Variants in ADAMTS6 observed in about 807,000 individuals in gnomAD.
The protein encoded by ADAMTS6 is A disintegrin and metalloproteinase with thrombospondin motifs 6.
A neutral mutation model predicts 144.3 loss-of-function variants in ADAMTS6; 23 were observed. The ratio of observed to expected loss-of-function variants is 0.16; its 90% CI spans 0.11 to 0.23. ADAMTS6 has a LOEUF of 0.23. ADAMTS6 is among the 10% of genes least tolerant of loss of function. The probability of loss-of-function intolerance (pLI) is 1.00; values close to 1 mark genes in which losing one functional copy is unlikely to be tolerated. For missense variants in ADAMTS6, 999 were observed against 1,379.6 expected, an observed-to-expected ratio of 0.72 and a Z score of 4.37; for synonymous variants, 444 against 457.5, an observed-to-expected ratio of 0.97 and a Z score of 0.38.
At chr5:65,343,084 G>C (rs1748002147) in intron 7 of ADAMTS6, among the ~76,000 whole-genome samples, 1 of 151,432 alleles carries the variant, frequency 6.6e-6, no homozygotes, top group African/African-American at 2.4e-5. Flanking sequence ...CCATGGTTAT[G>C]AATCAGAAGA....
At chr5:65,169,852 C>T (rs1753487564) in intron 24 of ADAMTS6, among the ~76,000 whole-genome samples, 1 of 132,804 alleles carries the variant, frequency 7.5e-6, no homozygotes, top group East Asian at 2.2e-4. Flanking sequence ...CACATGGACA[C>T]AGGAAGGGGA....
chr5:65,362,250 T>G (rs1749900054), intron 7 of ADAMTS6, among the ~76,000 whole-genome samples: 1 of 152,222 alleles, frequency 6.6e-6, no homozygotes, highest in African/African-American at 2.4e-5. Flanking sequence ...ATTCTAGTCC[T>G]GGTGATACCC....
chr5:65,404,810 T>A (rs1221048803), intron 7 of ADAMTS6, among the ~76,000 whole-genome samples: 1 of 152,158 alleles, frequency 6.6e-6, no homozygotes, highest in African/African-American at 2.4e-5. Flanking sequence ...GCACCTGTTG[T>A]TTCCTGACTT....
chr5:65,426,274 G>A (rs1380727209), intron 7 of ADAMTS6, among the ~76,000 whole-genome samples: 2 of 147,120 alleles, frequency 1.4e-5, no homozygotes, highest in Non-Finnish European at 3.0e-5. Context: ...GGCCAGGCTG[G>A]TCTCGAACTC....
At chr5:65,175,549 A>T (rs940799731) in intron 22 of ADAMTS6, among the ~76,000 whole-genome samples, 9 of 152,210 alleles carry the variant, frequency 5.9e-5, no homozygotes, top group Non-Finnish European at 1.3e-4. Flanking sequence ...AGCACTGAGG[A>T]CTTCCTATCA....
In ADAMTS6 at chr5:65,273,482, T is replaced by C. The variant is rs187237476; in HGVS notation, c.1513-35A>G. On this transcript the variant is annotated intron_variant, in intron 11 of 24. Transcript: ENST00000381055. ...AAGGCAAAAGCAAGTTGATCAGAAA[T>C]AGAGTCATGTCCAATTCTTCCATAA... The C allele has an allele frequency of 1.2e-4, 178 of 1,521,036 alleles. No homozygotes were observed. The African/African-American group carries it at 2.2e-3, about 19-fold the overall frequency. The allele number at this position is 1,521,036 out of a possible 1,614,324, so 94.2% of individuals were successfully genotyped here. A position where few individuals can be genotyped will look rare whatever the true frequency, so the allele number is the denominator to read the frequency against.
intron 7 of ADAMTS6, among the ~76,000 whole-genome samples, chr5:65,407,988 C>A (rs962006579): frequency 3.9e-5 from 6 of 152,058 alleles, no homozygotes; most frequent in African/African-American, 1.4e-4. Context: ...ACAAGGGCTT[C>A]TGAAAGAAGC....
At chr5:65,193,337 A>C (rs2112204305) in intron 21 of ADAMTS6, among the ~76,000 whole-genome samples, 1 of 152,166 alleles carries the variant, frequency 6.6e-6, no homozygotes, top group South Asian at 2.1e-4. Context: ...TCCTTAATAC[A>C]TTAAGAGTTC....
chr5:65,390,507 G>C (rs1752825771), intron 7 of ADAMTS6, among the ~76,000 whole-genome samples: 1 of 152,152 alleles, frequency 6.6e-6, no homozygotes, highest in Non-Finnish European at 1.5e-5. Flanking sequence ...GCAGAGGTCA[G>C]GCAACTATTT....
chr5:65,152,395 A>G (rs902509775), intron 24 of ADAMTS6, among the ~76,000 whole-genome samples: 6 of 152,230 alleles, frequency 3.9e-5, no homozygotes, highest in Admixed American at 3.9e-4. Context: ...ACACGTCTCC[A>G]GAGAATCTCT....
intron 7 of ADAMTS6, among the ~76,000 whole-genome samples, chr5:65,343,504 A>G (rs1748051606): frequency 6.6e-6 from 1 of 152,162 alleles, no homozygotes; most frequent in African/African-American, 2.4e-5. Flanking sequence ...CAAAAGAATG[A>G]AACCAGACCC....
chr5:65,292,917 T>A (rs189814548), intron 10 of ADAMTS6, among the ~76,000 whole-genome samples: 1 of 152,148 alleles, frequency 6.6e-6, no homozygotes, highest in African/African-American at 2.4e-5. Context: ...AACACTTTTT[T>A]ATTTCCTTTT....
At chr5:65,303,420 A>G (rs547817816) in intron 9 of ADAMTS6, among the ~76,000 whole-genome samples, 1 of 152,238 alleles carries the variant, frequency 6.6e-6, no homozygotes, top group East Asian at 1.9e-4. Context: ...CCAATTAATG[A>G]TATGTCTTCT....
chr5:65,458,021 G>A (rs554699332), intron 4 of ADAMTS6, among the ~76,000 whole-genome samples: 4 of 151,536 alleles, frequency 2.6e-5, no homozygotes, highest in East Asian at 1.9e-4. Context: ...CACCGTGCCC[G>A]GCCTGAATCC....
At chr5:65,403,354 A>G (rs752725882) in intron 7 of ADAMTS6, among the ~76,000 whole-genome samples, 5 of 152,070 alleles carry the variant, frequency 3.3e-5, no homozygotes, top group Non-Finnish European at 7.4e-5. Context: ...TTTGAATACT[A>G]TCTATATAAT....
chr5:65,194,370 G>A (rs913488861), intron 21 of ADAMTS6, among the ~76,000 whole-genome samples: 3 of 152,174 alleles, frequency 2.0e-5, no homozygotes, highest in African/African-American at 4.8e-5. Context: ...AGTCAGCTAC[G>A]CTATCATGAG....
intron 7 of ADAMTS6, among the ~76,000 whole-genome samples, chr5:65,384,976 A>G (rs1580561593): frequency 6.6e-6 from 1 of 152,208 alleles, no homozygotes; most frequent in African/African-American, 2.4e-5. Context: ...TTCTTGCTGC[A>G]TCTTCACATG....
chr5:65,231,606 C>T (rs1395576610), intron 15 of ADAMTS6, among the ~76,000 whole-genome samples: 1 of 152,058 alleles, frequency 6.6e-6, no homozygotes, highest in Admixed American at 6.6e-5. Flanking sequence ...AGAAAATTTT[C>T]CAAGATACAT....
Position 65,273,435 on chromosome 5 carries a change from C to A in ADAMTS6, c.1525G>T (p.Glu509Ter). Residue 509 changes from glutamate (E) to a stop codon, truncating the protein, a stop_gained, in exon 12 of 25, where the codon GAG becomes TAG. Coordinates refer to ENST00000381055, the MANE Select transcript of ADAMTS6 (RefSeq NM_197941.4). LOFTEE classifies it high-confidence loss of function. ...TTGCTTTTGCTGAGACACCAGAGCT[C>A]TCTACACACTTCCTAGGAAAGAAGG... ...RQCKYGEVCR[E>*]LWCLSKSNRC... is the part of the protein sequence containing the mutation. The A allele has an allele frequency of 6.2e-7, 1 of 1,613,326 alleles. No individual in the cohort carries two copies. Among genetic ancestry groups the A allele is most frequent in the Non-Finnish European group, 8.5e-7 (1 of 1,179,458 alleles).
Sources: allele counts gnomAD v4.1 joint callset (sites outside exome capture counted in the v4.1 genomes callset), GRCh38; gene constraint gnomAD v4.1.1; transcripts MANE v1.5; gene names NCBI Gene and HGNC (gene_info 2026-07-23, HGNC 2026-07-21).